Variants in INPP4B observed in about 807,000 individuals in gnomAD.
INPP4B encodes inositol polyphosphate 4-phosphatase type II.
INPP4B carries 55 observed loss-of-function variants against 122.5 expected under a neutral mutation model. That is an observed-to-expected ratio of 0.45 (90% CI 0.36 to 0.56). The LOEUF (loss-of-function observed/expected upper bound fraction) is 0.56. INPP4B is among the 20% of genes least tolerant of loss of function. The pLI is 0.00. For synonymous variants in INPP4B, 403 were observed against 388.7 expected (o/e 1.04, Z -0.43); for missense variants, 1,000 against 1,097.7 (o/e 0.91, Z 1.26).
intron 5 of INPP4B, among the ~76,000 whole-genome samples, chr4:142,406,543 C>T (rs1370314835): frequency 6.6e-6 from 1 of 152,158 alleles, no homozygotes; most frequent in African/African-American, 2.4e-5. Flanking sequence ...GCAGGAACTT[C>T]GGAATGAAAC....
intron 23 of INPP4B, among the ~76,000 whole-genome samples, chr4:142,099,381 A>G (rs1211908714): frequency 6.6e-6 from 1 of 152,158 alleles, no homozygotes; most frequent in African/African-American, 2.4e-5. Context: ...AAATATACAT[A>G]TGTTTTAAAT....
At chr4:142,103,181 C>A (rs562174254) in intron 23 of INPP4B, among the ~76,000 whole-genome samples, 4 of 152,126 alleles carry the variant, frequency 2.6e-5, no homozygotes, top group African/African-American at 9.6e-5. Context: ...CTTTCATCAA[C>A]ACATTAGATA....
chr4:142,578,369 A>C (rs188000136), intron 2 of INPP4B, among the ~76,000 whole-genome samples: 2 of 152,120 alleles, frequency 1.3e-5, no homozygotes, highest in African/African-American at 4.8e-5. Context: ...ATGCTGTATT[A>C]GTCTGCTAGG....
intron 25 of INPP4B, among the ~76,000 whole-genome samples, chr4:142,066,388 G>C (rs540699284): frequency 6.6e-6 from 1 of 152,092 alleles, no homozygotes; most frequent in Non-Finnish European, 1.5e-5. Flanking sequence ...CTAGACAAGC[G>C]GTTATCAAAC....
chr4:142,094,309 C>A (rs1162995774), intron 23 of INPP4B, among the ~76,000 whole-genome samples: 1 of 152,126 alleles, frequency 6.6e-6, no homozygotes, highest in Non-Finnish European at 1.5e-5. Context: ...TACTTTTGCC[C>A]ATACTCAAGT....
At chr4:142,544,687 C>A (rs1174392401) in intron 2 of INPP4B, among the ~76,000 whole-genome samples, 1 of 152,070 alleles carries the variant, frequency 6.6e-6, no homozygotes, top group African/African-American at 2.4e-5. Context: ...GAGGGAGAGG[C>A]CTGTATGAGA....
intron 11 of INPP4B, among the ~76,000 whole-genome samples, chr4:142,248,276 C>T (rs1364178030): frequency 6.6e-6 from 1 of 151,624 alleles, no homozygotes; most frequent in East Asian, 1.9e-4. Context: ...GAAAGAAAAG[C>T]ACCCGTTCCT....
At position 142,023,704 on chromosome 4, in the gene INPP4B, T is replaced by C. The variant is rs556189023; in HGVS notation, c.*5078A>G. On this transcript the variant is annotated 3_prime_UTR_variant, in exon 26 of 26. Coordinates refer to ENST00000262992, the MANE Select transcript of INPP4B (RefSeq NM_001101669.3). ...GATGATTGAAGGAATATTATGAATG[T>C]ATTTACACTGTGAGTGTGAAAGGGC... The C allele has an allele frequency of 6.6e-6, 1 of 152,296 alleles. No individual in the cohort carries two copies. The highest frequency in any genetic ancestry group is 2.1e-4 in the South Asian group (1 of 4,830). The allele number at this position is 152,296 out of a possible 1,614,324, so 9.4% of individuals were successfully genotyped here.
intron 9 of INPP4B, among the ~76,000 whole-genome samples, chr4:142,301,739 G>A (rs1015341144): frequency 3.3e-5 from 5 of 152,150 alleles, no homozygotes; most frequent in African/African-American, 1.2e-4. Context: ...TGAGCACTGA[G>A]TGAAATCCAA....
chr4:142,575,092 C>A (rs902665423), intron 2 of INPP4B, among the ~76,000 whole-genome samples: 1 of 151,862 alleles, frequency 6.6e-6, no homozygotes, highest in Non-Finnish European at 1.5e-5. Flanking sequence ...TTATAAGGAT[C>A]GAAAGAAGGA....
intron 7 of INPP4B, among the ~76,000 whole-genome samples, chr4:142,397,134 G>A (rs772173018): frequency 1.1e-4 from 17 of 152,280 alleles, no homozygotes; most frequent in Admixed American, 2.0e-4. Context: ...TATCAACAAG[G>A]AAAGTGAACT....
intron 7 of INPP4B, among the ~76,000 whole-genome samples, chr4:142,357,386 G>T (rs747888608): frequency 5.3e-4 from 81 of 152,028 alleles, no homozygotes; most frequent in Non-Finnish European, 1.1e-3. Context: ...TGTCCACAGG[G>T]ATTGGGAGAA....
chr4:142,653,268 C>T (rs974662002), intron 2 of INPP4B, among the ~76,000 whole-genome samples: 3 of 152,098 alleles, frequency 2.0e-5, no homozygotes, highest in Non-Finnish European at 4.4e-5. Context: ...GCCATAAAAA[C>T]CCTAGAAGAA....
chr4:142,760,657 T>C (rs930378476), intron 1 of INPP4B, among the ~76,000 whole-genome samples: 33 of 152,262 alleles, frequency 2.2e-4, no homozygotes, highest in African/African-American at 7.9e-4. Flanking sequence ...GTGAATCTGA[T>C]CATTTTAATG....
At chr4:142,832,099 G>A (rs1782215941) in intron 1 of INPP4B, among the ~76,000 whole-genome samples, 1 of 152,160 alleles carries the variant, frequency 6.6e-6, no homozygotes, top group African/African-American at 2.4e-5. Context: ...TTCTACGGAT[G>A]GCTTTAACCA....
rs1839529007 is a variant in INPP4B, at chr4:142,198,888, T to C, written c.1073-5693A>G. Among the ~76,000 whole-genome samples, 3 of 151,876 alleles carry C rather than the reference T, an allele frequency of 2.0e-5. No individual in the cohort carries two copies. The South Asian group carries it at 6.2e-4, about 31-fold the overall frequency. ...GCTCTTCCCATTACCTAAACTGCCC[T>C]TCCCTCCTTCATTTTTCTGTTCTTT... On this transcript the variant is annotated intron_variant, in intron 14 of 25. Transcript: ENST00000262992.
intron 2 of INPP4B, among the ~76,000 whole-genome samples, chr4:142,588,220 T>C (rs559744990): frequency 1.3e-5 from 2 of 152,092 alleles, no homozygotes; most frequent in South Asian, 2.1e-4. Flanking sequence ...AGAAACTAGA[T>C]ACTTTTCCTC....
intron 2 of INPP4B, among the ~76,000 whole-genome samples, chr4:142,539,933 T>C (rs998013918): frequency 5.9e-5 from 9 of 152,044 alleles, no homozygotes; most frequent in Non-Finnish European, 1.2e-4. Flanking sequence ...AAACTGAATA[T>C]GAAAATAAAA....
chr4:142,782,649 T>C (rs985358429), intron 1 of INPP4B, among the ~76,000 whole-genome samples: 2 of 151,842 alleles, frequency 1.3e-5, no homozygotes, highest in Admixed American at 1.3e-4. Context: ...CACCTGTTGT[T>C]TCCTGACTTT....
Sources: allele counts gnomAD v4.1 joint callset (sites outside exome capture counted in the v4.1 genomes callset), GRCh38; gene constraint gnomAD v4.1.1; transcripts MANE v1.5; gene names NCBI Gene and HGNC (gene_info 2026-07-23, HGNC 2026-07-21).